Variants in PARD3B observed in about 807,000 individuals in gnomAD.
The protein encoded by PARD3B is par-3 family cell polarity regulator beta.
A neutral mutation model predicts 130.2 loss-of-function variants in PARD3B; 103 were observed. The observed-to-expected ratio is 0.79, with a 90% CI of 0.67 to 0.93. The LOEUF is 0.93. PARD3B is among the 40% of genes least tolerant of loss of function. PARD3B has a pLI of 0.00. For synonymous variants in PARD3B, 583 were observed against 553.2 expected, an observed-to-expected ratio of 1.05 and a Z score of -0.76; for missense variants, 1,609 against 1,499.2, an observed-to-expected ratio of 1.07 and a Z score of -1.21.
intron 18 of PARD3B, among the ~76,000 whole-genome samples, chr2:205,395,345 G>A (rs146930205): frequency 1.6e-4 from 25 of 152,240 alleles, no homozygotes; most frequent in Non-Finnish European, 2.2e-4. Flanking sequence ...TCCTCACCTC[G>A]TTGGGCATCT....
At chr2:205,184,216 A>G in intron 13 of PARD3B, among the ~76,000 whole-genome samples, 1 of 152,174 alleles carries the variant, frequency 6.6e-6, no homozygotes, top group East Asian at 1.9e-4. Flanking sequence ...AGTGAGATTG[A>G]CATATAAAAT....
At chr2:205,108,498 C>T (rs1304075034) in intron 5 of PARD3B, among the ~76,000 whole-genome samples, 4 of 151,776 alleles carry the variant, frequency 2.6e-5, no homozygotes, top group African/African-American at 9.7e-5. Context: ...ATTCTCTCTC[C>T]CACCTTCCTC....
At chr2:205,127,314 A>G (rs2031551419) in intron 10 of PARD3B, among the ~76,000 whole-genome samples, 1 of 150,782 alleles carries the variant, frequency 6.6e-6, no homozygotes. Context: ...AAAAAAAAAA[A>G]GGAAAAAGAA....
chr2:205,357,218 A>G (rs1336515201), intron 18 of PARD3B, among the ~76,000 whole-genome samples: 1 of 152,204 alleles, frequency 6.6e-6, no homozygotes, highest in East Asian at 1.9e-4. Context: ...CTACTTAATC[A>G]TAATTAGCCT....
At chr2:205,418,892 G>T (rs1440275398) in intron 19 of PARD3B, among the ~76,000 whole-genome samples, 1 of 151,942 alleles carries the variant, frequency 6.6e-6, no homozygotes, top group African/African-American at 2.4e-5. Context: ...ATAACTTTGG[G>T]TCATAAATTT....
rs2053579692 is a variant in PARD3B, at chr2:205,572,121, A to G, written c.3260+18718A>G. ...ATTCATTCATTCAGTAAACTTTTAC[A>G]TAAATACTACTATATAGCCAGCACT... On this transcript the variant is annotated intron_variant, in intron 22 of 22. Transcript: ENST00000406610. The surrounding 1 kb of genome is among the most constrained non-coding windows in gnomAD (Gnocchi z 4.2). Among the ~76,000 whole-genome samples, 1 of 152,208 alleles carries G rather than the reference A, an allele frequency of 6.6e-6. No homozygotes were observed. Among genetic ancestry groups the G allele is most frequent in the Admixed American group, 6.5e-5 (1 of 15,284 alleles).
chr2:205,398,625 G>A (rs1327347387), intron 18 of PARD3B, among the ~76,000 whole-genome samples: 5 of 152,110 alleles, frequency 3.3e-5, no homozygotes, highest in Non-Finnish European at 5.9e-5. Flanking sequence ...GAAACATGCA[G>A]AATACTGGAA....
intron 2 of PARD3B, among the ~76,000 whole-genome samples, chr2:204,950,993 T>C (rs1015207883): frequency 6.6e-6 from 1 of 152,204 alleles, no homozygotes; most frequent in African/African-American, 2.4e-5. Context: ...AGAGATTTTA[T>C]ATCCTCTAGC....
chr2:205,387,352 C>G (rs1365087700), intron 18 of PARD3B, among the ~76,000 whole-genome samples: 6 of 152,198 alleles, frequency 3.9e-5, no homozygotes, highest in Non-Finnish European at 7.3e-5. Flanking sequence ...ATAATTTAAG[C>G]TCAGGCTTTC....
chr2:204,919,860 A>G (rs1326263187), intron 2 of PARD3B, among the ~76,000 whole-genome samples: 3 of 152,164 alleles, frequency 2.0e-5, no homozygotes, highest in Admixed American at 6.5e-5. Flanking sequence ...GAGACTTGAA[A>G]TGAAAGGTTT....
intron 15 of PARD3B, among the ~76,000 whole-genome samples, chr2:205,245,471 T>TATATGA (rs2039532177): frequency 6.6e-6 from 1 of 152,182 alleles, no homozygotes; most frequent in East Asian, 1.9e-4. Context: ...GGTCTATGAA[T>TATATGA]TTGGTTTCTC....
At chr2:205,552,277 T>C (rs961953231) in intron 21 of PARD3B, among the ~76,000 whole-genome samples, 1 of 146,488 alleles carries the variant, frequency 6.8e-6, no homozygotes, top group Non-Finnish European at 1.5e-5. Context: ...TGGGTGGCCA[T>C]TCGTAAGAGA....
At chr2:205,178,464 A>T (rs114355313) in intron 13 of PARD3B, among the ~76,000 whole-genome samples, 1 of 152,266 alleles carries the variant, frequency 6.6e-6, no homozygotes, top group African/African-American at 2.4e-5. Flanking sequence ...GAAAAAAAAG[A>T]AATTAAAAAT....
intron 3 of PARD3B, among the ~76,000 whole-genome samples, chr2:205,018,174 T>C (rs1696300841): frequency 1.3e-5 from 2 of 152,136 alleles, no homozygotes; most frequent in African/African-American, 4.8e-5. Context: ...GCGTAATCTT[T>C]CCATGTAATA....
At chr2:205,267,878 A>G (rs902537606) in intron 16 of PARD3B, among the ~76,000 whole-genome samples, 3 of 152,334 alleles carry the variant, frequency 2.0e-5, no homozygotes, top group Non-Finnish European at 4.4e-5. Context: ...TTCTTAGGGC[A>G]TCATAAAGAA....
At chr2:204,902,080 C>T (rs951207293) in intron 2 of PARD3B, among the ~76,000 whole-genome samples, 2 of 152,148 alleles carry the variant, frequency 1.3e-5, no homozygotes. Flanking sequence ...GCAAGTACTC[C>T]CTTGCTGCCT....
At position 205,550,966 on chromosome 2, in the gene PARD3B, TATATATATATACACAC is replaced by T. The variant is rs2052612350; in HGVS notation, c.3181-2356_3181-2341del. Among the ~76,000 whole-genome samples the T allele has an allele frequency of 7.6e-5, 8 of 105,944 alleles. 1 individual carries two copies. The South Asian group carries it at 1.2e-3, about 15-fold the overall frequency. The allele number at this position is 105,944 out of a possible 152,430, so 69.5% of individuals were successfully genotyped here. ...GTATATATATATGTGTATATATATA[TATATATATATACACAC>T]ACACACACACACACACACACATAAT... On this transcript the variant is annotated intron_variant, in intron 21 of 22. Transcript: ENST00000406610. This position sits in a 1 kb window ranked among gnomAD's most constrained non-coding sequence, Gnocchi z 4.5.
At chr2:205,035,819 ATC>A (rs57123516) in intron 3 of PARD3B, among the ~76,000 whole-genome samples, 48,758 of 76,396 alleles carry the variant, frequency 0.64, 15,383 homozygotes, top group Middle Eastern at 0.69. Context: ...ATATATATAT[ATC>A]TATATATCTA....
chr2:205,105,162 C>T lies in PARD3B; in HGVS notation c.593+648C>T, dbSNP rs1703114227. On this transcript the variant is annotated intron_variant, in intron 5 of 22. Transcript: ENST00000406610. This position sits in a 1 kb window ranked among gnomAD's most constrained non-coding sequence, Gnocchi z 4.0. ...AGACAAGTTACTCATTTCTCTTTCT[C>T]TTAGTTTCTAGTCTGTAGAATGGAA... 6.6e-6 allele frequency among the ~76,000 whole-genome samples: 1 copy of T among 152,128 alleles called. No homozygotes were observed. Among genetic ancestry groups the T allele is most frequent in the Non-Finnish European group, 1.5e-5 (1 of 68,028 alleles).
Sources: gnomAD v4.1 joint callset for allele counts (sites outside exome capture counted in the v4.1 genomes callset) on GRCh38, gnomAD v4.1.1 for gene constraint, Gnocchi (gnomAD v3.1) non-coding constraint, MANE v1.5 for transcripts, NCBI Gene and HGNC (gene_info 2026-07-23, HGNC 2026-07-21) for gene names.